The following GPC4 variants were observed in gnomAD, a reference collection of about 807,000 sequenced individuals.
The protein encoded by GPC4 is glypican 4, also known as glypican-4.
A neutral mutation model predicts 35.0 loss-of-function variants in GPC4; 10 were observed. The ratio of observed to expected loss-of-function variants is 0.29; its 90% CI spans 0.18 to 0.48. GPC4 has a LOEUF of 0.48. Ranked by LOEUF, GPC4 falls within the 20% of genes least tolerant of loss-of-function variation. The pLI is 0.99. For synonymous variants in GPC4, 167 were observed against 170.2 expected (o/e 0.98, Z 0.15); for missense variants, 322 against 451.3 (o/e 0.71, Z 2.60).
intron 1 of GPC4, among the ~76,000 whole-genome samples, chrX:133,388,705 C>A (rs1453359243): frequency 1.8e-5 from 2 of 110,216 alleles, no homozygotes; most frequent in Non-Finnish European, 3.8e-5. Context: ...ACCGTGTTAG[C>A]CAGGATGGTC....
Position 133,300,222 on chromosome X carries a change from C to A in GPC4, c.*2645G>T, listed in dbSNP as rs2068262355. On this transcript the variant is annotated 3_prime_UTR_variant, in exon 9 of 9. Coordinates refer to ENST00000370828, the MANE Select transcript of GPC4 (RefSeq NM_001448.3). ...TAAACTTTAGAAATTTACGTCAATT[C>A]TTCGCAGTGTCTTTTAATCAAAATA... The A allele has an allele frequency of 8.9e-6, 1 of 112,370 alleles. No homozygotes were observed. Among genetic ancestry groups the A allele is most frequent in the African/African-American group, 3.2e-5 (1 of 31,000 alleles). The allele number at this position is 112,370 out of a possible 1,213,427, so 9.3% of individuals were successfully genotyped here. A position where few individuals can be genotyped will look rare whatever the true frequency, so the allele number is the denominator to read the frequency against.
Position 133,408,842 on chromosome X carries a change from T to C in GPC4, c.160+5964A>G, listed in dbSNP as rs772207374. Among the ~76,000 whole-genome samples, 5 of 111,781 alleles carry C rather than the reference T, an allele frequency of 4.5e-5. No individual in the cohort carries two copies. In the South Asian group the frequency reaches 1.8e-3, roughly 41 times the overall value. On this transcript the variant is annotated intron_variant, in intron 1 of 8. Coordinates refer to ENST00000370828, the MANE Select transcript of GPC4 (RefSeq NM_001448.3). The stretch of plus-strand genomic sequence containing the variant: ...TCCAAGCTATACCAACATATGCATA[T>C]TTACTTTAAATTTATTTCACTTCAA...
intron 4 of GPC4, among the ~76,000 whole-genome samples, chrX:133,309,796 A>T (rs2068306641): frequency 8.9e-6 from 1 of 112,512 alleles, no homozygotes; most frequent in Admixed American, 9.4e-5. Flanking sequence ...AGAGAAAACA[A>T]AAACAGCGAC....
At chrX:133,331,387 A>G (rs1306824375) in intron 2 of GPC4, among the ~76,000 whole-genome samples, 2 of 111,974 alleles carry the variant, frequency 1.8e-5, no homozygotes, top group Non-Finnish European at 3.8e-5. Flanking sequence ...TGTTCCATGT[A>G]CTAACCTCTA....
chrX:133,321,924 T>C (rs1341564030), intron 3 of GPC4, among the ~76,000 whole-genome samples: 2 of 112,148 alleles, frequency 1.8e-5, no homozygotes, highest in Non-Finnish European at 3.8e-5. Flanking sequence ...TGACAGTTTA[T>C]GGCCTGGAGA....
intron 3 of GPC4, among the ~76,000 whole-genome samples, chrX:133,322,961 G>T (rs750941942): frequency 1.8e-5 from 2 of 111,662 alleles, no homozygotes; most frequent in East Asian, 5.7e-4. Context: ...TCTTCAAGAA[G>T]TTTTCAGATT....
At chrX:133,385,098 C>G (rs1442950259) in intron 1 of GPC4, among the ~76,000 whole-genome samples, 1 of 112,330 alleles carries the variant, frequency 8.9e-6, no homozygotes, top group African/African-American at 3.2e-5. Context: ...CTGTCCTGCA[C>G]CTTTCCAGCT....
chrX:133,390,147 T>C (rs764962746), intron 1 of GPC4, among the ~76,000 whole-genome samples: 4 of 110,938 alleles, frequency 3.6e-5, no homozygotes, highest in African/African-American at 1.3e-4. Context: ...AAGCTACCGG[T>C]CGAACTCCAG....
intron 3 of GPC4, among the ~76,000 whole-genome samples, chrX:133,314,092 T>C (rs1023411882): frequency 1.3e-4 from 15 of 112,324 alleles, no homozygotes; most frequent in African/African-American, 4.9e-4. Context: ...GGGATTATTC[T>C]GGAATGCATT....
At chrX:133,382,236 G>A (rs980295212) in intron 1 of GPC4, among the ~76,000 whole-genome samples, 21 of 109,911 alleles carry the variant, frequency 1.9e-4, no homozygotes, top group Non-Finnish European at 3.4e-4. Context: ...AGACCATCCT[G>A]GCTAACATGG....
chrX:133,413,815 C>G (rs2068824034), intron 1 of GPC4, among the ~76,000 whole-genome samples: 1 of 112,018 alleles, frequency 8.9e-6, no homozygotes, highest in Admixed American at 9.4e-5. Context: ...GGCCGGACAC[C>G]GCCGCCAGCT....
At chrX:133,368,975 G>T (rs1035691173) in intron 1 of GPC4, among the ~76,000 whole-genome samples, 23 of 111,222 alleles carry the variant, frequency 2.1e-4, no homozygotes, top group Admixed American at 2.0e-3. Context: ...CTTTGACATG[G>T]TTTCTTAATT....
intron 3 of GPC4, among the ~76,000 whole-genome samples, chrX:133,317,164 C>T (rs1192569583): frequency 2.7e-5 from 3 of 110,874 alleles, no homozygotes; most frequent in Non-Finnish European, 5.7e-5. Flanking sequence ...TCAAGACTGA[C>T]AGAGGTCTTT....
chrX:133,399,487 C>T (rs919476485), intron 1 of GPC4, among the ~76,000 whole-genome samples: 3 of 111,608 alleles, frequency 2.7e-5, no homozygotes, highest in Non-Finnish European at 3.8e-5. Flanking sequence ...AGGTGACATA[C>T]TTCCTCTGAG....
At position 133,344,046 on chromosome X, in the gene GPC4, G is replaced by GTTTA. The variant is rs1329859183; in HGVS notation, c.161-4709_161-4706dup. ...TACAAATGGGGTGCGGCTAATGTTCGTTTATTTTCAGTTGCTCATAACTCA... is the reference window on the plus strand; with the variant it reads ...TACAAATGGGGTGCGGCTAATGTTCGTTTATTTATTTTCAGTTGCTCATAACTCA... On this transcript the variant is annotated intron_variant, in intron 1 of 8. Coordinates refer to ENST00000370828, the MANE Select transcript of GPC4 (RefSeq NM_001448.3). 5.5e-5 allele frequency among the ~76,000 whole-genome samples: 6 copies of GTTTA among 109,209 alleles called. No homozygotes were observed. The Admixed American group carries it at 6.0e-4, about 11-fold the overall frequency. The allele number at this position is 109,209 out of a possible 115,157, so 94.8% of individuals were successfully genotyped here. A position where few individuals can be genotyped will look rare whatever the true frequency, so the allele number is the denominator to read the frequency against.
In GPC4 at chrX:133,414,977, G is replaced by A. The variant is rs763432666; in HGVS notation, c.-12C>T. On this transcript the variant is annotated 5_prime_UTR_variant, in exon 1 of 9. Transcript: ENST00000370828. The stretch of plus-strand genomic sequence containing the variant: ...CCGAACCGTGCCATGGTGCGGGCCG[G>A]GGCGGACGCGTTCCCACCTTTGGGA... 2.5e-6 allele frequency: 3 copies of A among 1,205,190 alleles called. No individual in the cohort carries two copies. The highest frequency in any genetic ancestry group is 2.2e-6 in the Non-Finnish European group (2 of 891,415).
chrX:133,376,699 G>C (rs1298552686), intron 1 of GPC4, among the ~76,000 whole-genome samples: 2 of 111,867 alleles, frequency 1.8e-5, no homozygotes, highest in Admixed American at 9.5e-5. Context: ...ATACACACGG[G>C]GTCGACAGCC....
chrX:133,343,113 T>C (rs1429556143), intron 1 of GPC4, among the ~76,000 whole-genome samples: 3 of 111,743 alleles, frequency 2.7e-5, no homozygotes, highest in African/African-American at 6.5e-5. Context: ...CATTGGACAC[T>C]TGCACTTTTT....
chrX:133,398,076 T>C (rs1250769880), intron 1 of GPC4, among the ~76,000 whole-genome samples: 1 of 111,587 alleles, frequency 9.0e-6, no homozygotes, highest in African/African-American at 3.3e-5. Context: ...ACAAACAAAA[T>C]ATAGTAAGCC....
Sources: gnomAD v4.1 joint callset for allele counts (sites outside exome capture counted in the v4.1 genomes callset) on GRCh38, gnomAD v4.1.1 for gene constraint, MANE v1.5 for transcripts, NCBI Gene and HGNC (gene_info 2026-07-23, HGNC 2026-07-21) for gene names.